The following NDEL1 variants were observed in gnomAD, a reference collection of about 807,000 sequenced individuals.
NDEL1 encodes nuclear distribution protein nudE-like 1.
Under a neutral mutation model 45.7 loss-of-function variants are expected in NDEL1, and 9 were observed. The observed-to-expected ratio is 0.20, with a 90% confidence interval of 0.12 to 0.34. The LOEUF (loss-of-function observed/expected upper bound fraction) is 0.34. Among genes scored for constraint, NDEL1 ranks in the 10% least tolerant of loss-of-function variants. The pLI is 1.00. For missense variants in NDEL1, 306 were observed against 406.2 expected, an observed-to-expected ratio of 0.75 and a Z score of 2.12; for synonymous variants, 133 against 158.6, an observed-to-expected ratio of 0.84 and a Z score of 1.21.
downstream of NDEL1, among the ~76,000 whole-genome samples, chr17:8,469,313 C>T (rs1176549649): frequency 2.0e-5 from 3 of 152,212 alleles, no homozygotes; most frequent in Non-Finnish European, 2.9e-5. Context: ...GGAACCCCAA[C>T]TAAAACACAG....
rs562219094 is a variant in NDEL1 at position 8,436,936 on chromosome 17, G to A, written c.-13+891G>A. On this transcript the variant is annotated intron_variant, in intron 1 of 8. Transcript: ENST00000334527. ...TTACATTTCTAGGCTCGGAGTTCTG[G>A]TTTCTTTTCGTGGGATTTTTATACC... Among the ~76,000 whole-genome samples, 6 of 152,288 alleles carry A rather than the reference G, an allele frequency of 3.9e-5. No homozygotes were observed. In the South Asian group the frequency reaches 1.2e-3, roughly 32 times the overall value.
intron 7 of NDEL1, among the ~76,000 whole-genome samples, chr17:8,458,192 T>C (rs1329161226): frequency 1.3e-5 from 2 of 151,994 alleles, no homozygotes; most frequent in Non-Finnish European, 2.9e-5. Context: ...TAATGCCCTC[T>C]TTTCTCTCCT....
At chr17:8,447,025 C>A in intron 4 of NDEL1, 123 bp downstream of exon 4, 1 of 1,232,088 alleles carries the variant, frequency 8.1e-7, no homozygotes, top group Non-Finnish European at 1.1e-6. Context: ...TTCATGTCAC[C>A]TGTAACTCAT....
intron 1 of NDEL1, among the ~76,000 whole-genome samples, chr17:8,427,784 G>T (rs12601035): frequency 6.6e-6 from 1 of 151,974 alleles, no homozygotes; most frequent in Non-Finnish European, 1.5e-5. Flanking sequence ...CTGGTTGAAG[G>T]CTCTGGCATT....
At chr17:8,459,627 G>A (rs1222817815) in intron 7 of NDEL1, among the ~76,000 whole-genome samples, 1 of 152,104 alleles carries the variant, frequency 6.6e-6, no homozygotes, top group Non-Finnish European at 1.5e-5. Flanking sequence ...TTTTTTAATA[G>A]TGCTTGCTCC....
At chr17:8,444,382 G>A in intron 2 of NDEL1, 25 bp downstream of exon 2, 1 of 1,494,898 alleles carries the variant, frequency 6.7e-7, no homozygotes, top group Admixed American at 1.7e-5. Flanking sequence ...CACACTAAAA[G>A]TAGGGGAGGG....
chr17:8,436,089 G>T (rs1384026723), intron 1 of NDEL1, 44 bp downstream of exon 1: 1 of 341,428 alleles, frequency 2.9e-6, no homozygotes, highest in Non-Finnish European at 5.8e-6. Context: ...GCTGCGCTGG[G>T]CCGGCGGCGC....
At chr17:8,457,495 A>G (rs923991311) in intron 7 of NDEL1, among the ~76,000 whole-genome samples, 5 of 152,250 alleles carry the variant, frequency 3.3e-5, no homozygotes, top group Admixed American at 6.5e-5. Context: ...AGTCATCAAC[A>G]CTTTGGGTCT....
At chr17:8,429,846 T>C (rs556873191) in intron 1 of NDEL1, among the ~76,000 whole-genome samples, 64 of 152,270 alleles carry the variant, frequency 4.2e-4, no homozygotes, top group African/African-American at 1.5e-3. Context: ...ATTATTCTTA[T>C]GGTTATGTGT....
chr17:8,428,002 A>T (rs1465074321), intron 1 of NDEL1, among the ~76,000 whole-genome samples: 1 of 152,192 alleles, frequency 6.6e-6, no homozygotes, highest in Non-Finnish European at 1.5e-5. Context: ...GGAGGAAGAG[A>T]ATCCTATGAA....
chr17:8,420,046 G>A (rs1487102624), intron 1 of NDEL1, among the ~76,000 whole-genome samples: 1 of 152,228 alleles, frequency 6.6e-6, no homozygotes. Flanking sequence ...GCAGTCTCAT[G>A]TGTCCTTGGG....
intron 1 of NDEL1, among the ~76,000 whole-genome samples, chr17:8,420,029 C>T (rs1175927450): frequency 6.6e-6 from 1 of 152,204 alleles, no homozygotes; most frequent in African/African-American, 2.4e-5. Flanking sequence ...CTGAGTCGGC[C>T]ACTAACGCAG....
intron 4 of NDEL1, among the ~76,000 whole-genome samples, chr17:8,447,417 A>G (rs1008758598): frequency 6.6e-6 from 1 of 152,220 alleles, no homozygotes; most frequent in Non-Finnish European, 1.5e-5. Flanking sequence ...TGCTGGGATT[A>G]TAGGCATGAG....
chr17:8,452,725 T>C (rs1317621144), intron 6 of NDEL1, among the ~76,000 whole-genome samples: 1 of 137,268 alleles, frequency 7.3e-6, no homozygotes, highest in Non-Finnish European at 1.5e-5. Context: ...CTTTCTTTTC[T>C]TTTCTTTTTC....
At chr17:8,468,801 C>T (rs1008558226), downstream of NDEL1, among the ~76,000 whole-genome samples, 27 of 152,316 alleles carry the variant, frequency 1.8e-4, no homozygotes, top group African/African-American at 6.3e-4. Flanking sequence ...GTCAGGAGTT[C>T]GAGACCAGCC....
intron 1 of NDEL1, among the ~76,000 whole-genome samples, chr17:8,413,501 A>C (rs981204103): frequency 6.6e-6 from 1 of 152,160 alleles, no homozygotes; most frequent in Non-Finnish European, 1.5e-5. Context: ...TCATTTGCGC[A>C]CATCTTCCCC....
Position 8,446,734 on chromosome 17 carries a change from T to C in NDEL1, c.241-20T>C. The C allele has an allele frequency of 2.5e-6, 4 of 1,613,980 alleles. No homozygotes were observed. The highest frequency in any genetic ancestry group is 3.4e-6 in the Non-Finnish European group (4 of 1,179,918). On this transcript the variant is annotated intron_variant, in intron 3 of 8. Transcript: ENST00000334527. ...AACTGTATATTAATGACATGTACTT[T>C]CCTATACTGATGCCCTCAGGAGAAG...
chr17:8,457,436 T>A (rs1910915883), intron 7 of NDEL1, among the ~76,000 whole-genome samples: 1 of 152,254 alleles, frequency 6.6e-6, no homozygotes, highest in South Asian at 2.1e-4. Context: ...GTTTACACAT[T>A]CAGCTGACAA....
rs1049808304 is a variant in NDEL1 at position 8,435,944 on chromosome 17, G to T, written c.-114G>T. 3 of 449,276 alleles carry T rather than the reference G, an allele frequency of 6.7e-6. No homozygotes were observed. Among genetic ancestry groups the T allele is most frequent in the South Asian group, 3.1e-5 (2 of 64,064 alleles). 27.8% of individuals were successfully genotyped at this position (449,276 alleles called of 1,614,324 possible). On this transcript the variant is annotated 5_prime_UTR_variant, in exon 1 of 9. Coordinates refer to ENST00000334527, the MANE Select transcript of NDEL1 (RefSeq NM_030808.5). ...GGTACGCTGAGTGGAGCTCGGGGCTGCGTAGGGGAGCTGAGCCGAGCGGCT... is the reference window on the plus strand; with the variant it reads ...GGTACGCTGAGTGGAGCTCGGGGCTTCGTAGGGGAGCTGAGCCGAGCGGCT...
Sources: gnomAD v4.1 joint callset for allele counts (sites outside exome capture counted in the v4.1 genomes callset) on GRCh38, gnomAD v4.1.1 for gene constraint, MANE v1.5 for transcripts, NCBI Gene and HGNC (gene_info 2026-07-23, HGNC 2026-07-21) for gene names.